AP1G2: variants seen among roughly 807,000 people sequenced by gnomAD.
The protein encoded by AP1G2 is adaptor related protein complex 1 subunit gamma 2.
Under a neutral mutation model 95.8 loss-of-function variants are expected in AP1G2, and 85 were observed. The ratio of observed to expected loss-of-function variants is 0.89; its 90% CI spans 0.74 to 1.06. AP1G2 has a LOEUF of 1.06. Among genes scored for constraint, AP1G2 ranks in the 50% least tolerant of loss-of-function variants. AP1G2 has a pLI of 0.00. For missense variants in AP1G2, 967 were observed against 1,005.8 expected (o/e 0.96, Z 0.52); for synonymous variants, 378 against 400.0 (o/e 0.94, Z 0.66).
chr14:23,565,749 T>C, intron 6 of AP1G2, 48 bp from the exon 7 acceptor site: 1 of 1,609,220 alleles, frequency 6.2e-7, no homozygotes. Flanking sequence ...CCTCTCCAGC[T>C]AAAGCCCCAT....
At position 23,564,278 on chromosome 14, in the gene AP1G2, G is replaced by A. The variant is rs1019924771; in HGVS notation, c.977+55C>T. On this transcript the variant is annotated intron_variant, in intron 10 of 21. Transcript: ENST00000397120. ...GATCAGGAGGCTCTGGAGGAAGGAG[G>A]GCAGAGGGCCAGGGGATCAGTGGCA... 6.2e-6 allele frequency: 10 copies of A among 1,613,748 alleles called. No homozygotes were observed. In the African/African-American group the frequency reaches 1.1e-4, roughly 17 times the overall value.
chr14:23,559,706 G>A lies in AP1G2; in HGVS notation c.*43C>T. 1 of 1,597,234 alleles carries A rather than the reference G, an allele frequency of 6.3e-7. No homozygotes were observed. Among genetic ancestry groups the A allele is most frequent in the Non-Finnish European group, 8.6e-7 (1 of 1,167,180 alleles). On this transcript the variant is annotated 3_prime_UTR_variant, in exon 22 of 22. Transcript: ENST00000397120. ...GGTTCGAAGCTGCTGGGGCCCCCTG[G>A]GGTTTGGGACACAGGAGAATTTCAG...
rs554619060 is a variant in AP1G2 at position 23,559,692 on chromosome 14, G to A, written c.*57C>T. The A allele has an allele frequency of 3.2e-4, 494 of 1,559,798 alleles. 3 individuals are homozygous for A. In the African/African-American group the frequency reaches 5.8e-3, roughly 18 times the overall value. ...AGCCCTCAGGTGTAGGTTCGAAGCT[G>A]CTGGGGCCCCCTGGGGTTTGGGACA... On this transcript the variant is annotated 3_prime_UTR_variant, in exon 22 of 22. Transcript: ENST00000397120.
At chr14:23,561,243 C>T in intron 19 of AP1G2, 53 bp downstream of exon 19, 1 of 1,508,784 alleles carries the variant, frequency 6.6e-7, no homozygotes, top group Non-Finnish European at 8.8e-7. Context: ...GGAGGAGGAG[C>T]AGTACATTTC....
rs1885535940 is a variant in AP1G2 at position 23,562,654 on chromosome 14, G to A, written c.1411-61C>T. The A allele has an allele frequency of 1.2e-5, 19 of 1,551,468 alleles. No homozygotes were observed. In the East Asian group the frequency reaches 4.5e-4, roughly 36 times the overall value. ...ATGGTGGCTCAAGCCTGTAATCCCA[G>A]CGCATTGGGAGGCTGAGGCGGGAGG... On this transcript the variant is annotated intron_variant, in intron 14 of 21. Coordinates refer to ENST00000397120, the MANE Select transcript of AP1G2 (RefSeq NM_003917.5).
chr14:23,566,206 C>G, intron 4 of AP1G2, 46 bp from the exon 5 acceptor site: 1 of 1,598,380 alleles, frequency 6.3e-7, no homozygotes, highest in African/African-American at 1.3e-5. Flanking sequence ...GAGATGGACC[C>G]CTGCATCTAC....
rs867020007 is a variant in AP1G2, at chr14:23,561,020, G to T, written c.1993+276C>A. 6 of 1,031,440 alleles carry T rather than the reference G, an allele frequency of 5.8e-6. No homozygotes were observed. In the South Asian group the frequency reaches 2.5e-4, roughly 43 times the overall value. 63.9% of individuals were successfully genotyped at this position (1,031,440 alleles called of 1,614,324 possible). ...TGAAATGCCAAGGGTGGGAGGGTGT[G>T]AGGAGCTGAGAAGGGGGCAGTGAGT... is the stretch of plus-strand genomic sequence containing the variant. On this transcript the variant is annotated intron_variant, in intron 19 of 21. Transcript: ENST00000397120.
chr14:23,560,060 C>T (rs1225265991), intron 20 of AP1G2, 24 bp from the exon 21 acceptor site: 7 of 1,523,646 alleles, frequency 4.6e-6, no homozygotes, highest in African/African-American at 1.4e-5. Context: ...TTTAACAGAG[C>T]ACAGTATGGC....
chr14:23,566,451 C>T, intron 3 of AP1G2, 32 bp from the exon 4 acceptor site: 1 of 1,609,030 alleles, frequency 6.2e-7, no homozygotes, highest in Non-Finnish European at 8.5e-7. Context: ...TCAGTCAAAC[C>T]TCTGAGAAAA....
Position 23,567,145 on chromosome 14 carries a change from A to C in AP1G2, c.170T>G (p.Val57Gly), listed in dbSNP as rs1336454126. Residue 57 changes from valine to glycine, a missense_variant, in exon 2 of 22, where the codon GTC becomes GGC. Coordinates refer to ENST00000397120, the MANE Select transcript of AP1G2 (RefSeq NM_003917.5). The surrounding 1 kb of genome is among the most constrained non-coding windows in gnomAD (Gnocchi z 5.3). ...RHRQLAKLLYVHMLGYPAHFG... is the reference protein window; with the variant it reads ...RHRQLAKLLYGHMLGYPAHFG... Reference sequence around the variant, plus strand: ...GTGGGCGGGGTAGCCCAACATGTGGACGTAGAGCAGTTTGGCCAGCTGCCG... The same window carrying C: ...GTGGGCGGGGTAGCCCAACATGTGGCCGTAGAGCAGTTTGGCCAGCTGCCG... The C allele has an allele frequency of 6.2e-7, 1 of 1,612,668 alleles. No individual in the cohort carries two copies. The highest frequency in any genetic ancestry group is 8.5e-7 in the Non-Finnish European group (1 of 1,179,298).
chr14:23,562,921 A>C (rs1469264421), intron 14 of AP1G2: 1 of 582,802 alleles, frequency 1.7e-6, no homozygotes, highest in South Asian at 2.3e-5. Context: ...CTGGTGGCCA[A>C]GCATCAGAAC....
chr14:23,562,012 C>G lies in AP1G2; in HGVS notation c.1683G>C (p.Gln561His), dbSNP rs199999308. ...GTGTGTCATACTCCACAGCCCGCTG[C>G]TGCAGCTCCACGTCCAAGCAGCTCC... ...IYGSCLDVEL[Q>H]QRAVEYDTLF... is the part of the protein sequence containing the mutation. Residue 561 changes from glutamine to histidine, a missense_variant, in exon 17 of 22, where the codon CAG (glutamine) becomes CAC (histidine). By Grantham distance (24) the Gln-to-His change is conservative. Coordinates refer to ENST00000397120, the MANE Select transcript of AP1G2 (RefSeq NM_003917.5). The G allele has an allele frequency of 6.2e-7, 1 of 1,613,662 alleles. No individual in the cohort carries two copies. Among genetic ancestry groups the G allele is most frequent in the Non-Finnish European group, 8.5e-7 (1 of 1,179,864 alleles).
Position 23,563,571 on chromosome 14 carries a change from GC to G in AP1G2, c.1287+12del. 1 of 1,614,246 alleles carries G rather than the reference GC, an allele frequency of 6.2e-7. No individual in the cohort carries two copies. Among genetic ancestry groups the G allele is most frequent in the South Asian group, 1.1e-5 (1 of 91,082 alleles). ...CCACTTCTGCCCAGCTCTCTGACTGGCCCCTGCCTCACCGTTGTCAGCACAT... is the reference window on the plus strand; with the variant it reads ...CCACTTCTGCCCAGCTCTCTGACTGGCCCTGCCTCACCGTTGTCAGCACAT... On this transcript the variant is annotated intron_variant, in intron 13 of 21. Transcript: ENST00000397120.
intron 2 of AP1G2, 69 bp from the exon 3 acceptor site, chr14:23,566,755 C>G: frequency 6.3e-7 from 1 of 1,583,210 alleles, no homozygotes; most frequent in Non-Finnish European, 8.6e-7. Context: ...CCTGTTCCAT[C>G]TTCCTCTTTA....
rs575376869 is a variant in AP1G2, at chr14:23,561,074, T to C, written c.1993+222A>G. ...TAGTGGGAAAGTGGTATAAGAAGGG[T>C]TGGGGAGGAAGCAGGGCCCTGTAGG... On this transcript the variant is annotated intron_variant, in intron 19 of 21. Coordinates refer to ENST00000397120, the MANE Select transcript of AP1G2 (RefSeq NM_003917.5). 5.3e-5 allele frequency: 67 copies of C among 1,270,942 alleles called. No homozygotes were observed. The East Asian group carries it at 1.0e-3, about 19-fold the overall frequency. 78.7% of individuals were successfully genotyped at this position (1,270,942 alleles called of 1,614,324 possible). A position where few individuals can be genotyped will look rare whatever the true frequency, so the allele number is the denominator to read the frequency against.
Position 23,566,624 on chromosome 14 carries a change from C to A in AP1G2, c.267G>T (p.Gly89=), listed in dbSNP as rs754444708. The change falls in exon 3 of 22, where the codon GGG becomes GGT. Residue 89 remains glycine (G), a synonymous_variant. Transcript: ENST00000397120. ...RFTDKRVGYL[G]AMLLLDERHD... ...GCCTCTCATCCAATAGAAGCATGGC[C>A]CCCAGGTAGCCCACCCTCTTGTCTG... 36 of 1,614,054 alleles carry A rather than the reference C, an allele frequency of 2.2e-5. 1 individual carries two copies. In the South Asian group the frequency reaches 3.7e-4, roughly 17 times the overall value.
chr14:23,563,108 G>A (rs1885921039), intron 14 of AP1G2: 1 of 1,359,584 alleles, frequency 7.4e-7, no homozygotes, highest in Non-Finnish European at 9.5e-7. Flanking sequence ...ATAAACACAA[G>A]AGCTTTAATC....
At chr14:23,560,508 T>C in intron 19 of AP1G2, 90 bp from the exon 20 acceptor site, 2 of 1,372,360 alleles carry the variant, frequency 1.5e-6, no homozygotes, top group Non-Finnish European at 2.0e-6. Flanking sequence ...AAACACCTAC[T>C]GGCCCTGCAC....
At chr14:23,566,535 T>C in intron 3 of AP1G2, 27 bp downstream of exon 3, 1 of 1,613,254 alleles carries the variant, frequency 6.2e-7, no homozygotes, top group Non-Finnish European at 8.5e-7. Context: ...TCTCCCTGAT[T>C]CCAAGTGATT....
Sources: allele counts gnomAD v4.1 joint callset, GRCh38; gene constraint gnomAD v4.1.1; non-coding constraint Gnocchi (gnomAD v3.1); transcripts MANE v1.5; gene names NCBI Gene and HGNC (gene_info 2026-07-23, HGNC 2026-07-21).